INVS: variants seen among roughly 807,000 people sequenced by gnomAD.
INVS encodes the protein inversion of embryo turning homolog.
Under a neutral mutation model 108.8 loss-of-function variants are expected in INVS, and 86 were observed. The observed-to-expected ratio is 0.79, with a 90% CI of 0.66 to 0.95. INVS has a LOEUF of 0.95. Ranked by LOEUF, INVS falls within the 40% of genes least tolerant of loss-of-function variation. The pLI, the probability that INVS is intolerant of heterozygous loss-of-function variation, is 0.00. For synonymous variants in INVS, 455 were observed against 473.5 expected (o/e 0.96, Z 0.51); for missense variants, 1,169 against 1,297.4 (o/e 0.90, Z 1.52).
intron 3 of INVS, among the ~76,000 whole-genome samples, chr9:100,187,928 G>A (rs915255191): frequency 3.9e-5 from 6 of 152,056 alleles, no homozygotes; most frequent in Non-Finnish European, 8.8e-5. Context: ...TGGTGGTGTT[G>A]TTTTGCAGCT....
Position 100,292,556 on chromosome 9 carries a change from C to T in INVS, c.2299C>T (p.Leu767Phe), listed in dbSNP as rs867609909. 1.9e-6 allele frequency: 3 copies of T among 1,614,182 alleles called. No homozygotes were observed. Among genetic ancestry groups the T allele is most frequent in the African/African-American group, 2.7e-5 (2 of 75,054 alleles). ...GEDSRRAAAS[L>F]PPHDSHWKPS... is the part of the protein sequence containing the mutation. ...GGACTCCAGGCGGGCAGCTGCAAGC[C>T]TTCCACCGCACGATAGCCACTGGAA... The change falls in exon 14 of 17, where the codon CTT becomes TTT. Residue 767 changes from leucine (L) to phenylalanine (F), a missense_variant. Leu to Phe is a conservative substitution (Grantham distance 22). Coordinates refer to ENST00000262457, the MANE Select transcript of INVS (RefSeq NM_014425.5).
At chr9:100,267,207 G>C (rs1832823921) in intron 11 of INVS, among the ~76,000 whole-genome samples, 1 of 152,048 alleles carries the variant, frequency 6.6e-6, no homozygotes, top group Non-Finnish European at 1.5e-5. Context: ...TGAGACCTAA[G>C]TAACTGCATG....
intron 11 of INVS, among the ~76,000 whole-genome samples, chr9:100,271,420 A>T (rs142770248): frequency 7.2e-5 from 11 of 152,186 alleles, no homozygotes; most frequent in Admixed American, 3.3e-4. Flanking sequence ...GGTTGTTTCT[A>T]TTCTTTTGCT....
chr9:100,270,017 A>AT (rs1171668157), intron 11 of INVS, among the ~76,000 whole-genome samples: 2 of 152,176 alleles, frequency 1.3e-5, no homozygotes, highest in African/African-American at 4.8e-5. Flanking sequence ...TGTTTAACAG[A>AT]TGAGGAAAAC....
At chr9:100,129,752 C>A in intron 3 of INVS, 1 of 682,808 alleles carries the variant, frequency 1.5e-6, no homozygotes, top group Non-Finnish European at 2.7e-6. Context: ...AAAGTGAGTA[C>A]CACATTCATC....
intron 3 of INVS, among the ~76,000 whole-genome samples, chr9:100,214,296 T>C (rs1004697330): frequency 3.3e-5 from 5 of 152,166 alleles, no homozygotes; most frequent in Admixed American, 1.3e-4. Flanking sequence ...GACATGCTAA[T>C]CTTTGGCCTC....
intron 3 of INVS, among the ~76,000 whole-genome samples, chr9:100,219,565 T>C (rs547041064): frequency 3.7e-4 from 57 of 152,342 alleles, no homozygotes; most frequent in African/African-American, 1.3e-3. Flanking sequence ...AATGTTAACT[T>C]GGAGTAGCTA....
At chr9:100,208,143 G>A (rs767024422) in intron 3 of INVS, among the ~76,000 whole-genome samples, 8 of 152,170 alleles carry the variant, frequency 5.3e-5, no homozygotes, top group Non-Finnish European at 8.8e-5. Flanking sequence ...CAAATAAAAA[G>A]GTCTAAAATG....
intron 3 of INVS, among the ~76,000 whole-genome samples, chr9:100,144,036 C>T (rs1319921596): frequency 1.3e-5 from 2 of 152,082 alleles, no homozygotes; most frequent in Admixed American, 6.5e-5. Context: ...CTGGGAGTGG[C>T]TGCCAGGTGA....
chr9:100,163,651 A>G (rs1829264392), intron 3 of INVS, among the ~76,000 whole-genome samples: 1 of 152,054 alleles, frequency 6.6e-6, no homozygotes, highest in African/African-American at 2.4e-5. Context: ...GGGATTTGCA[A>G]ATATAAATAG....
chr9:100,105,078 G>A (rs1180724139), intron 2 of INVS, among the ~76,000 whole-genome samples: 1 of 152,126 alleles, frequency 6.6e-6, no homozygotes, highest in Admixed American at 6.5e-5. Flanking sequence ...AGTTCTAGAG[G>A]AGAGAATAAA....
chr9:100,188,372 T>A (rs1830117011), intron 3 of INVS, among the ~76,000 whole-genome samples: 1 of 152,170 alleles, frequency 6.6e-6, no homozygotes, highest in Non-Finnish European at 1.5e-5. Flanking sequence ...AATAATGTGT[T>A]GAGGGTTTTT....
chr9:100,170,566 A>G (rs540522178), intron 3 of INVS, among the ~76,000 whole-genome samples: 232 of 151,100 alleles, frequency 1.5e-3, no homozygotes, highest in African/African-American at 5.3e-3. Context: ...TTCTGTCTCA[A>G]AAAAAAAATA....
intron 12 of INVS, among the ~76,000 whole-genome samples, chr9:100,275,086 A>G (rs1317445707): frequency 6.6e-6 from 1 of 152,178 alleles, no homozygotes; most frequent in Non-Finnish European, 1.5e-5. Context: ...ATCCGAGGAA[A>G]TACTATGTTG....
intron 3 of INVS, among the ~76,000 whole-genome samples, chr9:100,134,298 C>G (rs1169388676): frequency 1.3e-5 from 2 of 152,150 alleles, no homozygotes; most frequent in African/African-American, 4.8e-5. Context: ...GAGTAGTATT[C>G]CATTGTGTAT....
At chr9:100,209,283 G>A (rs1387574729) in intron 3 of INVS, among the ~76,000 whole-genome samples, 1 of 152,170 alleles carries the variant, frequency 6.6e-6, no homozygotes, top group Admixed American at 6.5e-5. Context: ...GTAGCTATAG[G>A]GAGCAGGTCT....
At chr9:100,209,598 G>C (rs2118288701) in intron 3 of INVS, among the ~76,000 whole-genome samples, 1 of 151,992 alleles carries the variant, frequency 6.6e-6, no homozygotes, top group East Asian at 1.9e-4. Context: ...GTGAAACCCT[G>C]TCTCTACTAA....
chr9:100,175,414 T>C, intron 3 of INVS: 1 of 897,690 alleles, frequency 1.1e-6, no homozygotes, highest in African/African-American at 1.6e-5. Flanking sequence ...GACAAAGTCC[T>C]GGTCAAGAAA....
At chr9:100,283,477 T>C (rs1192412635) in intron 12 of INVS, among the ~76,000 whole-genome samples, 1 of 152,152 alleles carries the variant, frequency 6.6e-6, no homozygotes, top group East Asian at 1.9e-4. Context: ...ATTAAGTGTT[T>C]TTCCTCCTGT....
Sources: gnomAD v4.1 joint callset for allele counts (sites outside exome capture counted in the v4.1 genomes callset) on GRCh38, gnomAD v4.1.1 for gene constraint, MANE v1.5 for transcripts, NCBI Gene and HGNC (gene_info 2026-07-23, HGNC 2026-07-21) for gene names.